UQCC1: variants seen among roughly 807,000 people sequenced by gnomAD.
UQCC1 encodes the protein bFGF-repressed Zic-binding protein.
In UQCC1, 38 loss-of-function variants were observed where a neutral mutation model predicts 48.0. The observed-to-expected ratio is 0.79, with a 90% CI of 0.61 to 1.04. The LOEUF is 1.04. Among genes scored for constraint, UQCC1 ranks in the 50% least tolerant of loss-of-function variants. UQCC1 has a pLI of 0.00. For synonymous variants in UQCC1, 111 were observed against 129.2 expected (o/e 0.86, Z 0.95); for missense variants, 368 against 381.8 (o/e 0.96, Z 0.30).
rs150256548 is a variant in UQCC1, at chr20:35,388,228, C to T, written c.130-4095G>A. Among the ~76,000 whole-genome samples, 997 of 151,970 alleles carry T rather than the reference C, an allele frequency of 6.6e-3. 14 individuals carry two copies. Among genetic ancestry groups the T allele is most frequent in the African/African-American group, 0.023 (952 of 41,444 alleles). ...AACTCCTGACCTCAAGTGATCAGCC[C>T]ACCTTAGCCTCCCAAAGTGCTGGTA... is the stretch of plus-strand genomic sequence containing the variant. On this transcript the variant is annotated intron_variant, in intron 2 of 9. Coordinates refer to ENST00000374385, the MANE Select transcript of UQCC1 (RefSeq NM_018244.5).
intron 7 of UQCC1, among the ~76,000 whole-genome samples, chr20:35,337,420 CT>C (rs1414435893): frequency 6.6e-6 from 1 of 152,138 alleles, no homozygotes; most frequent in African/African-American, 2.4e-5. Context: ...AACCCCTGAC[CT>C]CATGATCCAC....
intron 1 of UQCC1, among the ~76,000 whole-genome samples, chr20:35,397,610 A>T (rs929411699): frequency 2.0e-5 from 3 of 152,132 alleles, no homozygotes; most frequent in Non-Finnish European, 2.9e-5. Context: ...CTCCCTAAAT[A>T]ATACAGTATA....
intron 7 of UQCC1, chr20:35,345,223 C>G (rs1015408489): frequency 6.6e-6 from 1 of 152,220 alleles, no homozygotes; most frequent in African/African-American, 2.4e-5. Flanking sequence ...TGGGGAACCC[C>G]AATTTATAAT....
chr20:35,397,241 C>A (rs544738166), intron 1 of UQCC1, among the ~76,000 whole-genome samples: 135 of 150,072 alleles, frequency 9.0e-4, no homozygotes, highest in Admixed American at 3.1e-3. Flanking sequence ...TCAGGCCGGG[C>A]GCGGTAGCTC....
intron 8 of UQCC1, among the ~76,000 whole-genome samples, chr20:35,310,576 G>A (rs1222353894): frequency 1.3e-5 from 2 of 148,744 alleles, no homozygotes; most frequent in Non-Finnish European, 3.0e-5. Context: ...AACCCGGGAG[G>A]TGGAGGTTGC....
chr20:35,385,975 A>G lies in UQCC1; in HGVS notation c.130-1842T>C, dbSNP rs1292181109. 2.0e-5 allele frequency among the ~76,000 whole-genome samples: 3 copies of G among 151,974 alleles called. No individual in the cohort carries two copies. The East Asian group carries it at 5.8e-4, about 29-fold the overall frequency. On this transcript the variant is annotated intron_variant, in intron 2 of 9. Coordinates refer to ENST00000374385, the MANE Select transcript of UQCC1 (RefSeq NM_018244.5). ...TCAACATCCCATACCAGAGTGGTGC[A>G]TTTGATACAAAGAACAAACCTACAC...
chr20:35,344,180 A>C (rs928521598), intron 7 of UQCC1: 15 of 152,260 alleles, frequency 9.9e-5, no homozygotes, highest in African/African-American at 2.9e-4. Flanking sequence ...TTACTGCATA[A>C]GCAAAAAACT....
intron 6 of UQCC1, among the ~76,000 whole-genome samples, chr20:35,365,158 G>C (rs907152913): frequency 1.3e-5 from 2 of 152,106 alleles, no homozygotes; most frequent in Non-Finnish European, 2.9e-5. Flanking sequence ...GAAGTATAAG[G>C]GTTTTGATAG....
chr20:35,394,520 G>A (rs1353997796), intron 1 of UQCC1, among the ~76,000 whole-genome samples: 2 of 152,138 alleles, frequency 1.3e-5, no homozygotes, highest in Non-Finnish European at 2.9e-5. Flanking sequence ...CCACCTCCAG[G>A]AGAGGAGAGG....
chr20:35,347,903 C>A (rs367568826), intron 6 of UQCC1, among the ~76,000 whole-genome samples: 2 of 152,204 alleles, frequency 1.3e-5, no homozygotes, highest in South Asian at 2.1e-4. Flanking sequence ...AAATTTGTTT[C>A]TTTTTACTTT....
intron 5 of UQCC1, 91 bp downstream of exon 5, chr20:35,374,093 G>C: frequency 2.1e-6 from 2 of 965,878 alleles, no homozygotes; most frequent in Non-Finnish European, 1.6e-6. Flanking sequence ...TGTTTCACTA[G>C]GGACTAAAAA....
chr20:35,407,267 A>G (rs1269930071), intron 1 of UQCC1, among the ~76,000 whole-genome samples: 1 of 151,994 alleles, frequency 6.6e-6, no homozygotes, highest in Admixed American at 6.6e-5. Flanking sequence ...CTCTCTATTA[A>G]AAACATAAAA....
In UQCC1 at chr20:35,410,888, T is replaced by C. The variant is rs183054162; in HGVS notation, c.24+1052A>G. ...TTCACCAGGTGAATCTTTCTGGCAG[T>C]TACAGGGGCTACTCTACAAATAAAT... On this transcript the variant is annotated intron_variant, in intron 1 of 9. Coordinates refer to ENST00000374385, the MANE Select transcript of UQCC1 (RefSeq NM_018244.5). Among the ~76,000 whole-genome samples, 540 of 151,504 alleles carry C rather than the reference T, an allele frequency of 3.6e-3. 16 individuals are homozygous for C. Among genetic ancestry groups the C allele is most frequent in the Admixed American group, 0.031 (468 of 15,092 alleles).
At chr20:35,388,674 A>G (rs904022942) in intron 2 of UQCC1, among the ~76,000 whole-genome samples, 3 of 152,338 alleles carry the variant, frequency 2.0e-5, no homozygotes, top group South Asian at 2.1e-4. Flanking sequence ...TCTGTCCGCT[A>G]TATCAAGCTG....
Position 35,389,493 on chromosome 20 carries a change from G to A in UQCC1, c.129+4599C>T, listed in dbSNP as rs1288591868. On this transcript the variant is annotated intron_variant, in intron 2 of 9. Transcript: ENST00000374385. ...CAGGAGAATCACTTGAACCCGGGAG[G>A]CGGAGGTTGCAGTGAGCCAAGATCT... Among the ~76,000 whole-genome samples, 3 of 152,050 alleles carry A rather than the reference G, an allele frequency of 2.0e-5. No homozygotes were observed. In the East Asian group the frequency reaches 5.8e-4, roughly 29 times the overall value.
At chr20:35,308,323 G>C (rs899975337) in intron 8 of UQCC1, among the ~76,000 whole-genome samples, 2 of 152,278 alleles carry the variant, frequency 1.3e-5, no homozygotes, top group African/African-American at 4.8e-5. Context: ...CAGAGGACAA[G>C]CTCAGGCACA....
chr20:35,383,997 G>T (rs2061907326), intron 3 of UQCC1, 41 bp downstream of exon 3: 6 of 1,563,408 alleles, frequency 3.8e-6, no homozygotes, highest in Non-Finnish European at 5.3e-6. Flanking sequence ...ACACCTGTGT[G>T]AAAGCACTCT....
intron 7 of UQCC1, among the ~76,000 whole-genome samples, chr20:35,331,220 C>T (rs2061253439): frequency 6.6e-6 from 1 of 152,104 alleles, no homozygotes; most frequent in South Asian, 2.1e-4. Context: ...CCAGCTGATT[C>T]CTAACCCCAG....
intron 6 of UQCC1, among the ~76,000 whole-genome samples, chr20:35,350,748 C>T (rs1251152864): frequency 6.7e-6 from 1 of 148,488 alleles, no homozygotes; most frequent in Non-Finnish European, 1.5e-5. Flanking sequence ...TGATGTGATT[C>T]GAAACTTGTA....
Sources: gnomAD v4.1 joint callset for allele counts (sites outside exome capture counted in the v4.1 genomes callset) on GRCh38, gnomAD v4.1.1 for gene constraint, MANE v1.5 for transcripts, NCBI Gene and HGNC (gene_info 2026-07-23, HGNC 2026-07-21) for gene names.